CHP1: variants seen among roughly 807,000 people sequenced by gnomAD.
CHP1 encodes the protein calcineurin like EF-hand protein 1.
Under a neutral mutation model 27.4 loss-of-function variants are expected in CHP1, and 11 were observed. The ratio of observed to expected loss-of-function variants is 0.40; its 90% CI spans 0.25 to 0.67. The LOEUF is 0.67. CHP1 is among the 30% of genes least tolerant of loss of function. The pLI is 0.38. For synonymous variants in CHP1, 89 were observed against 87.4 expected, an observed-to-expected ratio of 1.02 and a Z score of -0.10; for missense variants, 169 against 251.3, an observed-to-expected ratio of 0.67 and a Z score of 2.22.
intron 4 of CHP1, among the ~76,000 whole-genome samples, chr15:41,269,923 CT>C (rs1338382790): frequency 1.3e-5 from 2 of 152,144 alleles, no homozygotes. Context: ...TGGCAGAAAT[CT>C]AATGATTTTG....
rs2047537109 is a variant in CHP1, at chr15:41,279,849, T to TA, written c.*461dup. On this transcript the variant is annotated 3_prime_UTR_variant, in exon 7 of 7. Transcript: ENST00000334660. ...CCTGTCTTCCAACATACTGTTCACT[T>TA]ACTCTGGCAGTCTTTCTGCTTTTCA... 1.3e-5 allele frequency: 2 copies of TA among 156,190 alleles called. No homozygotes were observed. Among genetic ancestry groups the TA allele is most frequent in the South Asian group, 2.0e-4 (1 of 5,020 alleles). 9.7% of individuals were successfully genotyped at this position (156,190 alleles called of 1,614,324 possible).
At chr15:41,277,163 A>G (rs941722903) in intron 5 of CHP1, among the ~76,000 whole-genome samples, 7 of 152,196 alleles carry the variant, frequency 4.6e-5, no homozygotes, top group Non-Finnish European at 8.8e-5. Context: ...GAGATATGCA[A>G]TGTTAGGCAA....
chr15:41,258,839 T>C (rs1290305018), intron 3 of CHP1, among the ~76,000 whole-genome samples: 1 of 152,170 alleles, frequency 6.6e-6, no homozygotes, highest in Non-Finnish European at 1.5e-5. Flanking sequence ...ATAATGAGAC[T>C]GTCAATGAGG....
chr15:41,246,655 G>A (rs2047336410), intron 2 of CHP1, among the ~76,000 whole-genome samples: 1 of 112,782 alleles, frequency 8.9e-6, no homozygotes, highest in African/African-American at 3.4e-5. Flanking sequence ...TTTTTTGAGA[G>A]AGAGTCTCGC....
At position 41,231,334 on chromosome 15, in the gene CHP1, C is replaced by T. The variant is rs1174390716; in HGVS notation, c.-49C>T. 1.6e-5 allele frequency: 24 copies of T among 1,532,720 alleles called. No homozygotes were observed. The highest frequency in any genetic ancestry group is 8.2e-5 in the African/African-American group (6 of 73,390). The allele number at this position is 1,532,720 out of a possible 1,614,324, so 94.9% of individuals were successfully genotyped here. A position where few individuals can be genotyped will look rare whatever the true frequency, so the allele number is the denominator to read the frequency against. ...CCTTCCCTCCCTCCTTCCCTCCTGT[C>T]GCCGTCTCTTCTGGCGCCGCTGCTC... On this transcript the variant is annotated 5_prime_UTR_variant, in exon 1 of 7. Transcript: ENST00000334660.
At chr15:41,231,703 C>T (rs1007531293) in intron 1 of CHP1, among the ~76,000 whole-genome samples, 3 of 152,062 alleles carry the variant, frequency 2.0e-5, no homozygotes, top group Non-Finnish European at 2.9e-5. Flanking sequence ...TCGACGCCCC[C>T]CTTTTCTGCA....
chr15:41,278,272 G>T (rs1595484296), intron 5 of CHP1, among the ~76,000 whole-genome samples: 1 of 149,056 alleles, frequency 6.7e-6, no homozygotes, highest in Middle Eastern at 3.5e-3. Context: ...GGCAGAGCTT[G>T]CAGTGAGCTG....
chr15:41,257,349 T>C (rs1036103198), intron 3 of CHP1, among the ~76,000 whole-genome samples: 1 of 152,212 alleles, frequency 6.6e-6, no homozygotes, highest in African/African-American at 2.4e-5. Flanking sequence ...TCTACTGTTA[T>C]ATTGTTAACA....
In CHP1 at chr15:41,256,980, T is replaced by C. The variant is rs375653661; in HGVS notation, c.211T>C (p.Phe71Leu). ...PLGDRIINAFFPEGEDQVNFR... is the reference protein window; with the variant it reads ...PLGDRIINAFLPEGEDQVNFR... ...GGGGGACCGGATCATCAATGCCTTC[T>C]TTCCAGAGGGGTGAGTCAGTACAGT... The change falls in exon 3 of 7, where the codon TTT becomes CTT. Residue 71 changes from phenylalanine (F) to leucine (L), a missense_variant. Physicochemically the swap from Phe to Leu is conservative, Grantham distance 22. Coordinates refer to ENST00000334660, the MANE Select transcript of CHP1 (RefSeq NM_007236.5). 3 of 1,613,676 alleles carry C rather than the reference T, an allele frequency of 1.9e-6. No individual in the cohort carries two copies. The African/African-American group carries it at 4.0e-5, about 22-fold the overall frequency.
chr15:41,251,579 C>G (rs370115298), intron 2 of CHP1, among the ~76,000 whole-genome samples: 3 of 152,116 alleles, frequency 2.0e-5, no homozygotes, highest in African/African-American at 7.2e-5. Context: ...GCACCGCCTC[C>G]GGTCAGATCA....
At chr15:41,245,099 A>G (rs2047327407) in intron 2 of CHP1, among the ~76,000 whole-genome samples, 1 of 152,174 alleles carries the variant, frequency 6.6e-6, no homozygotes, top group South Asian at 2.1e-4. Context: ...TCCCCTGGCA[A>G]CCATAAATCT....
At position 41,231,434 on chromosome 15, in the gene CHP1, A is replaced by C; in HGVS notation, c.52A>C (p.Lys18Gln). 6.2e-7 allele frequency: 1 copy of C among 1,603,724 alleles called. No individual in the cohort carries two copies. Among genetic ancestry groups the C allele is most frequent in the Non-Finnish European group, 8.5e-7 (1 of 1,176,354 alleles). ...GCGGGACGAAGAGCTCGAGGAGATC[A>C]AGAAGGAGACCGGCTGTGAGTTCGG... ...LLRDEELEEI[K>Q]KETGFSHSQI... The change falls in exon 1 of 7, where the codon AAG (lysine) becomes CAG (glutamine). Residue 18 changes from lysine (K) to glutamine (Q), a missense_variant. Lys to Gln is a moderately conservative substitution (Grantham distance 53). Transcript: ENST00000334660.
intron 1 of CHP1, among the ~76,000 whole-genome samples, chr15:41,234,585 G>C (rs1192640156): frequency 6.6e-6 from 1 of 152,144 alleles, no homozygotes; most frequent in Admixed American, 6.6e-5. Flanking sequence ...GACTAGATTA[G>C]CTGGTATTTG....
chr15:41,270,233 G>A (rs2047481675), intron 4 of CHP1, among the ~76,000 whole-genome samples: 1 of 151,504 alleles, frequency 6.6e-6, no homozygotes. Flanking sequence ...TGTGTGAGGT[G>A]ACCTAATTTA....
intron 4 of CHP1, among the ~76,000 whole-genome samples, chr15:41,266,381 A>T (rs1456004955): frequency 2.6e-5 from 4 of 152,106 alleles, no homozygotes; most frequent in Non-Finnish European, 1.5e-5. Context: ...AGTGAAAGGT[A>T]TAATTCATCT....
At chr15:41,252,187 TTTTTTGAGACAGAGTCTCGCTC>T (rs979289855) in intron 2 of CHP1, among the ~76,000 whole-genome samples, 4 of 152,066 alleles carry the variant, frequency 2.6e-5, no homozygotes, top group African/African-American at 9.7e-5. Context: ...TTTCTTTTTT[TTTTTTGAGACAGAGTCTCGCTC>T]TGTTGCCCAG....
At chr15:41,243,441 T>G (rs1211416912) in intron 1 of CHP1, among the ~76,000 whole-genome samples, 1 of 152,260 alleles carries the variant, frequency 6.6e-6, no homozygotes, top group Non-Finnish European at 1.5e-5. Flanking sequence ...CAGTCTTAAT[T>G]AAGCCTAGAC....
At chr15:41,231,589 C>A in intron 1 of CHP1, 140 bp downstream of exon 1, 2 of 732,112 alleles carry the variant, frequency 2.7e-6, no homozygotes, top group South Asian at 3.2e-5. Flanking sequence ...GGACCGAGAG[C>A]TGGAAGACCT....
chr15:41,255,638 A>G (rs1286441605), intron 2 of CHP1, among the ~76,000 whole-genome samples: 1 of 152,124 alleles, frequency 6.6e-6, no homozygotes, highest in African/African-American at 2.4e-5. Context: ...TCAAGCCACT[A>G]CACTCCAGCC....
Sources: allele counts gnomAD v4.1 joint callset (sites outside exome capture counted in the v4.1 genomes callset), GRCh38; gene constraint gnomAD v4.1.1; transcripts MANE v1.5; gene names NCBI Gene and HGNC (gene_info 2026-07-23, HGNC 2026-07-21).